Variants in DHRS12 observed in about 807,000 individuals in gnomAD.
DHRS12 encodes the protein dehydrogenase/reductase SDR family member 12.
DHRS12 carries 29 observed loss-of-function variants against 32.1 expected under a neutral mutation model. The observed-to-expected ratio is 0.90, with a 90% CI of 0.67 to 1.23. The LOEUF is 1.23. Among genes scored for constraint, DHRS12 ranks in the 50% most tolerant of loss-of-function variants. The pLI is 0.00. For synonymous variants in DHRS12, 150 were observed against 135.9 expected, an observed-to-expected ratio of 1.10 and a Z score of -0.72; for missense variants, 330 against 337.2, an observed-to-expected ratio of 0.98 and a Z score of 0.17.
the DHRS12 span, among the ~76,000 whole-genome samples, chr13:51,756,925 T>C: frequency 6.6e-5 from 10 of 152,256 alleles, no homozygotes; most frequent in Non-Finnish European, 1.5e-4. Flanking sequence ...CTCAGCTGGC[T>C]GCTTGTCAGA....
At chr13:51,789,093 C>T (rs1456179760) in intron 4 of DHRS12, among the ~76,000 whole-genome samples, 2 of 152,190 alleles carry the variant, frequency 1.3e-5, no homozygotes, top group Non-Finnish European at 2.9e-5. Context: ...TGGCTTCCAA[C>T]TGTTATTCCA....
chr13:51,784,202 C>A (rs1320354654), intron 4 of DHRS12, among the ~76,000 whole-genome samples: 1 of 152,198 alleles, frequency 6.6e-6, no homozygotes, highest in Non-Finnish European at 1.5e-5. Flanking sequence ...CCTCAAGGAT[C>A]CATGCTCTGG....
chr13:51,771,088 G>A, intron 7 of DHRS12: 13 of 1,453,318 alleles, frequency 8.9e-6, no homozygotes, highest in Non-Finnish European at 1.2e-5. Flanking sequence ...CTGGGCCTCA[G>A]TTCCCTCATC....
the DHRS12 span, chr13:51,756,597 A>G: frequency 1.2e-4 from 160 of 1,386,988 alleles, no homozygotes; most frequent in Admixed American, 1.9e-4. Flanking sequence ...GCAAGCAGTA[A>G]AAGCTCTCCT....
downstream of DHRS12, chr13:51,765,708 A>T (rs979116432): frequency 1.3e-5 from 2 of 152,152 alleles, no homozygotes; most frequent in Admixed American, 1.3e-4. Context: ...TGCTTTCTGG[A>T]CTTTTTCCAT....
At chr13:51,796,291 C>G (rs1322227082) in intron 2 of DHRS12, among the ~76,000 whole-genome samples, 4 of 152,142 alleles carry the variant, frequency 2.6e-5, no homozygotes, top group African/African-American at 9.7e-5. Flanking sequence ...CTGGCAGAGC[C>G]TGGAGGAGAC....
At chr13:51,758,249 C>T in the DHRS12 span, 13 of 1,601,740 alleles carry the variant, frequency 8.1e-6, no homozygotes, top group South Asian at 8.9e-5. Context: ...ATGTGCATTT[C>T]GATGCAACCA....
chr13:51,769,189 C>T lies in DHRS12; in HGVS notation c.664G>A (p.Ala222Thr), dbSNP rs940099103. 6 of 1,557,564 alleles carry T rather than the reference C, an allele frequency of 3.9e-6. No homozygotes were observed. Among genetic ancestry groups the T allele is most frequent in the South Asian group, 2.4e-5 (2 of 84,598 alleles). ...TMLWLALSSA[A>T]AAQPSGRFFQ... ...AAGCGGCCGCTGGGCTGTGCGGCTGCGGCAGAGGAGAGGGCCAGCCACAGC... is the reference window on the plus strand; with the variant it reads ...AAGCGGCCGCTGGGCTGTGCGGCTGTGGCAGAGGAGAGGGCCAGCCACAGC... Residue 222 changes from alanine (A) to threonine (T), a missense_variant, in exon 8 of 9, where the codon GCA becomes ACA. Ala to Thr is a moderately conservative substitution (Grantham distance 58). Transcript: ENST00000444610.
chr13:51,776,792 G>A (rs547007710), intron 5 of DHRS12, among the ~76,000 whole-genome samples: 28 of 152,192 alleles, frequency 1.8e-4, no homozygotes, highest in African/African-American at 3.6e-4. Context: ...CCTGCCCTTC[G>A]GAGGCCTCCC....
chr13:51,798,140 C>A (rs1955593097), intron 2 of DHRS12, among the ~76,000 whole-genome samples: 1 of 152,124 alleles, frequency 6.6e-6, no homozygotes. Flanking sequence ...TTTTTGAGGG[C>A]CTGAACACAT....
chr13:51,803,730 C>T (rs1955861253), intron 1 of DHRS12: 4 of 236,352 alleles, frequency 1.7e-5, no homozygotes, highest in East Asian at 8.1e-5. Flanking sequence ...GCACACCCAG[C>T]GGGGCGCCGA....
chr13:51,769,403 A>C, intron 7 of DHRS12, 110 bp from the exon 8 acceptor site: 1 of 923,668 alleles, frequency 1.1e-6, no homozygotes, highest in Non-Finnish European at 1.5e-6. Context: ...GGGATCATAA[A>C]CTGCTCCTTC....
the DHRS12 span, chr13:51,761,599 C>G: frequency 6.6e-6 from 1 of 152,122 alleles, no homozygotes; most frequent in African/African-American, 2.4e-5. Context: ...TGAAATCCTC[C>G]CTATTATTTT....
At chr13:51,757,882 C>T in the DHRS12 span, among the ~76,000 whole-genome samples, 1 of 151,236 alleles carries the variant, frequency 6.6e-6, no homozygotes, top group Non-Finnish European at 1.5e-5. Flanking sequence ...CTTCTGAGCT[C>T]AAACTTAGCA....
intron 1 of DHRS12, chr13:51,803,424 G>C (rs1351325082): frequency 1.3e-5 from 2 of 152,260 alleles, no homozygotes; most frequent in Admixed American, 1.3e-4. Flanking sequence ...TCAATTCTAA[G>C]AGAAAACCTC....
chr13:51,783,934 C>G (rs749665153), intron 4 of DHRS12, among the ~76,000 whole-genome samples: 1 of 152,220 alleles, frequency 6.6e-6, no homozygotes, highest in Non-Finnish European at 1.5e-5. Flanking sequence ...TATGAATAAG[C>G]TGCTATAAAC....
At chr13:51,758,461 G>C in the DHRS12 span, among the ~76,000 whole-genome samples, 1 of 151,536 alleles carries the variant, frequency 6.6e-6, no homozygotes, top group African/African-American at 2.4e-5. Context: ...TTAGGAGGGA[G>C]GATTGCTTGA....
At position 51,792,811 on chromosome 13, in the gene DHRS12, G is replaced by A. The variant is rs1432458122; in HGVS notation, c.127-1554C>T. On this transcript the variant is annotated intron_variant, in intron 2 of 8. Transcript: ENST00000444610. The stretch of plus-strand genomic sequence containing the variant: ...TGTTTGTTTGTTTTGCTATTGAGTT[G>A]TAGGACTTACAAGAGGTCTTGGAGA... Among the ~76,000 whole-genome samples the A allele has an allele frequency of 3.3e-5, 5 of 152,186 alleles. No individual in the cohort carries two copies. In the East Asian group the frequency reaches 9.6e-4, roughly 29 times the overall value.
At chr13:51,759,786 CAGAA>C in the DHRS12 span, 1 of 1,613,122 alleles carries the variant, frequency 6.2e-7, no homozygotes, top group Non-Finnish European at 8.5e-7. Context: ...TCCCAGGAAT[CAGAA>C]AGATAGTATT....
Sources: allele counts gnomAD v4.1 joint callset (sites outside exome capture counted in the v4.1 genomes callset), GRCh38; gene constraint gnomAD v4.1.1; transcripts MANE v1.5; gene names NCBI Gene and HGNC (gene_info 2026-07-23, HGNC 2026-07-21).